Variants in BDP1 observed in about 807,000 individuals in gnomAD.
BDP1 encodes the protein transcription factor TFIIIB component B'' homolog.
BDP1 carries 169 observed loss-of-function variants against 266.6 expected under a neutral mutation model. The observed-to-expected ratio is 0.63, with a 90% CI of 0.56 to 0.72. The LOEUF is 0.72. BDP1 is among the 30% of genes least tolerant of loss of function. The probability of loss-of-function intolerance (pLI) is 0.00; values close to 1 mark genes in which losing one functional copy is unlikely to be tolerated. For missense variants in BDP1, 3,015 were observed against 3,053.8 expected (o/e 0.99, Z 0.30); for synonymous variants, 1,090 against 1,022.4 (o/e 1.07, Z -1.26).
chr5:71,519,332 AGCTATTTTGAAATAAT>A (rs2150499220), intron 22 of BDP1, among the ~76,000 whole-genome samples: 1 of 152,340 alleles, frequency 6.6e-6, no homozygotes, highest in African/African-American at 2.4e-5. Context: ...ATAATTTTCT[AGCTATTTTGAAATAAT>A]ACAATAAATG....
At chr5:71,573,899 C>T in the BDP1 span, among the ~76,000 whole-genome samples, 1 of 152,196 alleles carries the variant, frequency 6.6e-6, no homozygotes, top group African/African-American at 2.4e-5. Context: ...ACCCTATGTA[C>T]AATTTCTTGC....
At chr5:71,572,522 AG>A, downstream of BDP1, among the ~76,000 whole-genome samples, 1 of 152,346 alleles carries the variant, frequency 6.6e-6, no homozygotes, top group South Asian at 2.1e-4. Flanking sequence ...AAAAGGTACT[AG>A]GAGCAGTGCT....
At position 71,488,983 on chromosome 5, in the gene BDP1, C is replaced by A. The variant is rs139537199; in HGVS notation, c.1214-421C>A. 6.6e-5 allele frequency among the ~76,000 whole-genome samples: 10 copies of A among 152,320 alleles called. No homozygotes were observed. The East Asian group carries it at 1.5e-3, about 23-fold the overall frequency. The stretch of plus-strand genomic sequence containing the variant: ...TCAGCCTCCCAAAGTGCTGGGATTA[C>A]AGGTGTGAGCCACCATGCCCAGCCT... On this transcript the variant is annotated intron_variant, in intron 9 of 38. Coordinates refer to ENST00000358731, the MANE Select transcript of BDP1 (RefSeq NM_018429.3).
Position 71,523,999 on chromosome 5 carries a change from T to C in BDP1, c.5448T>C (p.Thr1816=), listed in dbSNP as rs764001494. ...AAATTGCCCTGGATGGGAAAACAACTATCTCTTCTACATCTGAGTATGAGA... is the reference window on the plus strand; with the variant it reads ...AAATTGCCCTGGATGGGAAAACAACCATCTCTTCTACATCTGAGTATGAGA... The part of the protein sequence containing the change: ...YSKIALDGKT[T]ISSTSEYERN... Residue 1816 remains threonine, a synonymous_variant, in exon 25 of 39, where the codon ACT becomes ACC. Transcript: ENST00000358731. The C allele has an allele frequency of 5.6e-6, 9 of 1,614,062 alleles. No individual in the cohort carries two copies. The African/African-American group carries it at 9.3e-5, about 17-fold the overall frequency.
chr5:71,553,309 T>G lies in BDP1; in HGVS notation c.7189T>G (p.Tyr2397Asp), dbSNP rs141398694. 502 of 1,612,178 alleles carry G rather than the reference T, an allele frequency of 3.1e-4. 1 individual carries two copies. In the East Asian group the frequency reaches 0.011, roughly 34 times the overall value. ...CACTTTAAGAGATGACTGTCAAGAA[T>G]ATACCACTGAGGTAAGTGGTATATT... ...SLTLRDDCQE[Y>D]TTEVHSKELT... Residue 2397 changes from tyrosine to aspartate, a missense_variant, in exon 35 of 39, where the codon TAT (tyrosine) becomes GAT (aspartate). Physicochemically the swap from Tyr to Asp is radical, Grantham distance 160. This residue lies in a region of BDP1 where 629 missense variants were observed against 632.5 expected (regional missense o/e 0.99). Coordinates refer to ENST00000358731, the MANE Select transcript of BDP1 (RefSeq NM_018429.3).
At chr5:71,534,209 G>T (rs1004429030) in intron 26 of BDP1, among the ~76,000 whole-genome samples, 2 of 152,102 alleles carry the variant, frequency 1.3e-5, no homozygotes, top group African/African-American at 2.4e-5. Flanking sequence ...TCTAAAAGAT[G>T]ATTTTTGCTT....
chr5:71,491,227 CT>C (rs1454946716), intron 11 of BDP1, 96 bp downstream of exon 11: 9 of 1,170,790 alleles, frequency 7.7e-6, no homozygotes, highest in East Asian at 2.5e-5. Context: ...TTGCCTGTTT[CT>C]TTTTTTCAGT....
chr5:71,542,169 A>C lies in BDP1; in HGVS notation c.6316A>C (p.Asn2106His). The change falls in exon 30 of 39, where the codon AAT becomes CAT. Residue 2106 changes from asparagine to histidine, a missense_variant. Around this residue, in one of 3 missense-constraint regions of BDP1, gnomAD observed 629 missense variants for 632.5 expected, o/e 0.99. Coordinates refer to ENST00000358731, the MANE Select transcript of BDP1 (RefSeq NM_018429.3). ...AAGTAGGCTTGCTAAGCCTAAACCAAATCTTGAGAAGACTTTAGGGACCAA... is the reference window on the plus strand; with the variant it reads ...AAGTAGGCTTGCTAAGCCTAAACCACATCTTGAGAAGACTTTAGGGACCAA... Reference protein sequence around the residue: ...IRSRLAKPKPNLEKTLGTNRL... With the variant: ...IRSRLAKPKPHLEKTLGTNRL... 6.2e-7 allele frequency: 1 copy of C among 1,613,692 alleles called. No individual in the cohort carries two copies. Among genetic ancestry groups the C allele is most frequent in the East Asian group, 2.2e-5 (1 of 44,804 alleles).
At chr5:71,509,342 G>T (rs1054594382) in intron 16 of BDP1, 123 bp from the exon 17 acceptor site, 5 of 1,098,628 alleles carry the variant, frequency 4.6e-6, no homozygotes, top group Admixed American at 5.6e-5. Flanking sequence ...CGATTCCTAG[G>T]CCTTCCTTAA....
chr5:71,500,368 C>A (rs1764160772), intron 13 of BDP1, among the ~76,000 whole-genome samples: 1 of 136,306 alleles, frequency 7.3e-6, no homozygotes, highest in South Asian at 2.3e-4. Flanking sequence ...TCTTGTTGCC[C>A]CAGCTGGAGT....
Position 71,540,426 on chromosome 5 carries a change from C to T in BDP1, c.6022+777C>T, listed in dbSNP as rs900800645. On this transcript the variant is annotated intron_variant, in intron 28 of 38. Transcript: ENST00000358731. ...CACTGCAACCTCTGCCTCCCAGGCT[C>T]AAGCAATTCTCCTGCCTTAGCCTCT... Among the ~76,000 whole-genome samples, 6 of 152,264 alleles carry T rather than the reference C, an allele frequency of 3.9e-5. No homozygotes were observed. The South Asian group carries it at 8.3e-4, about 21-fold the overall frequency.
Position 71,520,960 on chromosome 5 carries a change from G to A in BDP1, c.4992-1329G>A, listed in dbSNP as rs751960929. Reference sequence around the variant, plus strand: ...TCCCAGCGCTCTGGGAAACCAAGGCGGGCGAATCACCTGAGTTCGGGAGTT... The same window carrying A: ...TCCCAGCGCTCTGGGAAACCAAGGCAGGCGAATCACCTGAGTTCGGGAGTT... On this transcript the variant is annotated intron_variant, in intron 22 of 38. Transcript: ENST00000358731. Among the ~76,000 whole-genome samples the A allele has an allele frequency of 3.9e-5, 6 of 151,970 alleles. No individual in the cohort carries two copies. The East Asian group carries it at 5.8e-4, about 15-fold the overall frequency.
intron 9 of BDP1, among the ~76,000 whole-genome samples, chr5:71,488,473 G>T (rs1018648161): frequency 4.6e-5 from 7 of 150,558 alleles, no homozygotes; most frequent in African/African-American, 1.7e-4. Context: ...TTGTTGCCCA[G>T]GCTGGAGTGC....
chr5:71,512,870 C>G (rs185997775), intron 18 of BDP1, among the ~76,000 whole-genome samples: 1 of 151,950 alleles, frequency 6.6e-6, no homozygotes, highest in East Asian at 1.9e-4. Flanking sequence ...GCCTGGGCAA[C>G]ACGCTGTAGA....
rs781663061 is a variant in BDP1 at position 71,483,884 on chromosome 5, G to A, written c.1057G>A (p.Asp353Asn). 6.2e-7 allele frequency: 1 copy of A among 1,610,516 alleles called. No individual in the cohort carries two copies. Among genetic ancestry groups the A allele is most frequent in the South Asian group, 1.1e-5 (1 of 90,880 alleles). The change falls in exon 8 of 39, where the codon GAC becomes AAC. Residue 353 changes from aspartate (D) to asparagine (N), a missense_variant. By Grantham distance (23) the Asp-to-Asn change is conservative. This residue lies in a region of BDP1 where 2,383 missense variants were observed against 2,404.9 expected (regional missense o/e 0.99). Coordinates refer to ENST00000358731, the MANE Select transcript of BDP1 (RefSeq NM_018429.3). ...REEKTNGWRI[D>N]KAFQEKRPFD... Reference sequence around the variant, plus strand: ...AGAGAAAACAAATGGATGGAGAATAGACAAAGCATTCCGTAAGTATTAAGA... The same window carrying A: ...AGAGAAAACAAATGGATGGAGAATAAACAAAGCATTCCGTAAGTATTAAGA...
intron 32 of BDP1, among the ~76,000 whole-genome samples, chr5:71,545,942 G>T (rs543433635): frequency 6.6e-6 from 1 of 152,148 alleles, no homozygotes; most frequent in Non-Finnish European, 1.5e-5. Context: ...AGAGGCTGCA[G>T]TGAGCTGTGG....
intron 34 of BDP1, among the ~76,000 whole-genome samples, chr5:71,550,313 G>A (rs567690813): frequency 6.6e-5 from 10 of 152,212 alleles, no homozygotes; most frequent in African/African-American, 2.2e-4. Flanking sequence ...TTGAACCCGG[G>A]AGGTGGAAGT....
rs766651972 is a variant in BDP1, at chr5:71,515,068, A to G, written c.4595A>G (p.Lys1532Arg). Residue 1532 changes from lysine (K) to arginine (R), a missense_variant, in exon 20 of 39, where the codon AAA becomes AGA. Lys to Arg is a conservative substitution (Grantham distance 26, BLOSUM62 2). Coordinates refer to ENST00000358731, the MANE Select transcript of BDP1 (RefSeq NM_018429.3). ...TCACCTTCAAATTCTTGTGAACCTAAAGAGGAGTCTCAGTCAGCACCAGTC... is the reference window on the plus strand; with the variant it reads ...TCACCTTCAAATTCTTGTGAACCTAGAGAGGAGTCTCAGTCAGCACCAGTC... ...NLSPSNSCEP[K>R]EESQSAPVQK... 1 of 1,613,184 alleles carries G rather than the reference A, an allele frequency of 6.2e-7. No individual in the cohort carries two copies. The highest frequency in any genetic ancestry group is 1.7e-5 in the Admixed American group (1 of 59,862).
At chr5:71,551,331 G>C (rs541385459) in intron 34 of BDP1, among the ~76,000 whole-genome samples, 2 of 152,016 alleles carry the variant, frequency 1.3e-5, no homozygotes, top group African/African-American at 4.8e-5. Context: ...AGCATACTGC[G>C]TTCAAGCATC....
Sources: allele counts gnomAD v4.1 joint callset (sites outside exome capture counted in the v4.1 genomes callset), GRCh38; gene constraint gnomAD v4.1.1; regional missense constraint gnomAD v4.1.1; transcripts MANE v1.5; gene names NCBI Gene and HGNC (gene_info 2026-07-23, HGNC 2026-07-21).